RYR2: variants seen among roughly 807,000 people sequenced by gnomAD.
The protein encoded by RYR2 is ryanodine receptor 2, also known as cardiac muscle ryanodine receptor-calcium release channel.
In RYR2, 227 loss-of-function variants were observed where a neutral mutation model predicts 601.1. That is an observed-to-expected ratio of 0.38 (90% CI 0.34 to 0.42). The LOEUF is 0.42. Ranked by LOEUF, RYR2 falls within the 10% of genes least tolerant of loss-of-function variation. The pLI is 1.00. For synonymous variants in RYR2, 2,223 were observed against 2,175.1 expected (o/e 1.02, Z -0.61); for missense variants, 4,646 against 6,156.5 (o/e 0.75, Z 8.21).
intron 1 of RYR2, among the ~76,000 whole-genome samples, chr1:237,043,761 C>CAAAACA (rs768152507): frequency 1.5e-5 from 2 of 132,180 alleles, no homozygotes; most frequent in East Asian, 2.1e-4. Flanking sequence ...CAAAACAAAA[C>CAAAACA]AAACAAACAA....
intron 89 of RYR2, among the ~76,000 whole-genome samples, chr1:237,781,902 C>T (rs896480607): frequency 1.1e-4 from 17 of 152,004 alleles, no homozygotes; most frequent in Non-Finnish European, 2.2e-4. Flanking sequence ...ATAGTGATAT[C>T]GTAAAAAGTA....
intron 101 of RYR2, among the ~76,000 whole-genome samples, chr1:237,822,581 G>C (rs1305539776): frequency 6.6e-6 from 1 of 152,134 alleles, no homozygotes; most frequent in Non-Finnish European, 1.5e-5. Flanking sequence ...AAACATACCA[G>C]ATTGTAAAGA....
chr1:237,801,037 A>G (rs1659895930), intron 97 of RYR2, among the ~76,000 whole-genome samples: 1 of 131,216 alleles, frequency 7.6e-6, no homozygotes, highest in Admixed American at 7.5e-5. Context: ...TTTTCTGGAA[A>G]TGAAGTAAAA....
In RYR2 at chr1:237,082,166, G is replaced by T. The variant is rs371669683; in HGVS notation, c.48+39597G>T. On this transcript the variant is annotated intron_variant, in intron 1 of 104. Transcript: ENST00000366574. ...CATGTACTGTGGGACAGGTCCTATT[G>T]TAAGCAGCGTTCATGTTATATTAAC... 9.2e-5 allele frequency among the ~76,000 whole-genome samples: 14 copies of T among 152,252 alleles called. No homozygotes were observed. The South Asian group carries it at 2.9e-3, about 32-fold the overall frequency.
chr1:237,098,405 G>C (rs572722749), intron 1 of RYR2, among the ~76,000 whole-genome samples: 1 of 152,022 alleles, frequency 6.6e-6, no homozygotes, highest in African/African-American at 2.4e-5. Flanking sequence ...GTGTGTGTGT[G>C]TGTGTGTGTG....
chr1:237,094,467 C>A (rs1200057049), intron 1 of RYR2, among the ~76,000 whole-genome samples: 1 of 152,166 alleles, frequency 6.6e-6, no homozygotes, highest in African/African-American at 2.4e-5. Flanking sequence ...TCCATGCAAT[C>A]TTTGAATGCG....
At chr1:237,193,750 A>C (rs1680265880) in intron 1 of RYR2, among the ~76,000 whole-genome samples, 1 of 152,212 alleles carries the variant, frequency 6.6e-6, no homozygotes, top group African/African-American at 2.4e-5. Flanking sequence ...TGATGTCAAA[A>C]CTGATGATCC....
intron 12 of RYR2, among the ~76,000 whole-genome samples, chr1:237,436,872 T>A (rs1321626431): frequency 6.7e-6 from 1 of 149,550 alleles, no homozygotes; most frequent in Non-Finnish European, 1.5e-5. Context: ...TAGTTTTATA[T>A]ATCTAGTATG....
intron 1 of RYR2, among the ~76,000 whole-genome samples, chr1:237,164,698 C>T (rs1233503787): frequency 2.6e-5 from 4 of 152,164 alleles, no homozygotes; most frequent in African/African-American, 9.7e-5. Context: ...AATGAAAGGT[C>T]ACGGCAACCT....
At chr1:237,105,157 C>T (rs1668526513) in intron 1 of RYR2, among the ~76,000 whole-genome samples, 2 of 152,146 alleles carry the variant, frequency 1.3e-5, no homozygotes, top group Admixed American at 6.5e-5. Flanking sequence ...GTTCACCTTA[C>T]GTTTGGGGAA....
Position 237,732,049 on chromosome 1 carries a change from CCTG to C in RYR2, c.10940_10942del (p.Pro3647_Gly3648delinsArg), listed in dbSNP as rs1558307363. ...TATAAATTTGACTTTTTTGCAGAAACCTGGGGCTGAACCTCCAGAAGAAGATGA... is the reference window on the plus strand; with the variant it reads ...TATAAATTTGACTTTTTTGCAGAAACGGGCTGAACCTCCAGAAGAAGATGA... On this transcript the variant is annotated inframe_deletion, in exon 78 of 105. Transcript: ENST00000366574. The C allele has an allele frequency of 1.9e-6, 3 of 1,595,338 alleles. No individual in the cohort carries two copies. In the South Asian group the frequency reaches 3.4e-5, roughly 18 times the overall value.
At chr1:237,073,768 G>C (rs1664667610) in intron 1 of RYR2, among the ~76,000 whole-genome samples, 1 of 151,534 alleles carries the variant, frequency 6.6e-6, no homozygotes, top group East Asian at 2.0e-4. Context: ...CTACTCAGGA[G>C]GCTGAGGCAT....
Position 237,590,784 on chromosome 1 carries a change from G to A in RYR2, c.3952G>A (p.Val1318Met), listed in dbSNP as rs1675068916. ...IECAEVFSKT[V>M]AGGLPGAGLF... The stretch of plus-strand genomic sequence containing the variant: ...GTGCGCGGAGGTCTTCTCCAAGACG[G>A]TGGCTGGAGGGCTCCCTGGGGCTGG... Residue 1318 changes from valine (V) to methionine (M), a missense_variant, in exon 31 of 105, where the codon GTG becomes ATG. Coordinates refer to ENST00000366574, the MANE Select transcript of RYR2 (RefSeq NM_001035.3). The A allele has an allele frequency of 6.2e-7, 1 of 1,613,940 alleles. No individual in the cohort carries two copies. The highest frequency in any genetic ancestry group is 8.5e-7 in the Non-Finnish European group (1 of 1,179,856).
At chr1:237,665,226 C>T (rs1013551938) in intron 56 of RYR2, among the ~76,000 whole-genome samples, 1 of 151,846 alleles carries the variant, frequency 6.6e-6, no homozygotes, top group Admixed American at 6.6e-5. Context: ...TGGTGAAACC[C>T]CGTCTCTACT....
At position 237,341,597 on chromosome 1, in the gene RYR2, C is replaced by T. The variant is rs139536975; in HGVS notation, c.273+10615C>T. ...TGCAGGTCTTTGGGTCTGTGGTATT[C>T]GCTTGCTATACCACTAACATCCAAG... On this transcript the variant is annotated intron_variant, in intron 3 of 104. Coordinates refer to ENST00000366574, the MANE Select transcript of RYR2 (RefSeq NM_001035.3). 1.0e-3 allele frequency: 520 copies of T among 509,784 alleles called. 1 individual carries two copies. Among genetic ancestry groups the T allele is most frequent in the African/African-American group, 8.8e-3 (457 of 51,950 alleles). 31.6% of individuals were successfully genotyped at this position (509,784 alleles called of 1,614,324 possible). A position where few individuals can be genotyped will look rare whatever the true frequency, so the allele number is the denominator to read the frequency against.
chr1:237,071,622 T>A (rs1238211866), intron 1 of RYR2, among the ~76,000 whole-genome samples: 2 of 152,148 alleles, frequency 1.3e-5, no homozygotes, highest in African/African-American at 4.8e-5. Context: ...AAACTCTTAC[T>A]CTGTGTTGGG....
chr1:237,291,263 G>A (rs897536626), intron 2 of RYR2, among the ~76,000 whole-genome samples: 1 of 152,010 alleles, frequency 6.6e-6, no homozygotes, highest in Non-Finnish European at 1.5e-5. Flanking sequence ...TCAGAAGAGT[G>A]AAAATCCAAA....
At chr1:237,569,875 C>A (rs563670552) in intron 29 of RYR2, among the ~76,000 whole-genome samples, 1 of 152,116 alleles carries the variant, frequency 6.6e-6, no homozygotes, top group African/African-American at 2.4e-5. Context: ...GCAGGGAGCA[C>A]GTGCTGCTGC....
At chr1:237,289,213 C>T (rs1401096119) in intron 2 of RYR2, among the ~76,000 whole-genome samples, 17 of 152,140 alleles carry the variant, frequency 1.1e-4, no homozygotes, top group Admixed American at 1.3e-4. Context: ...TGGATCCTCT[C>T]GGGATTGCTG....
Sources: gnomAD v4.1 joint callset for allele counts (sites outside exome capture counted in the v4.1 genomes callset) on GRCh38, gnomAD v4.1.1 for gene constraint, MANE v1.5 for transcripts, NCBI Gene and HGNC (gene_info 2026-07-23, HGNC 2026-07-21) for gene names.